The following C19orf38 variants were observed in gnomAD, a reference collection of about 807,000 sequenced individuals.
The protein encoded by C19orf38 is protein HIDE1.
Under a neutral mutation model 26.6 loss-of-function variants are expected in C19orf38, and 14 were observed. The observed-to-expected ratio is 0.53, with a 90% confidence interval of 0.35 to 0.82. The LOEUF (loss-of-function observed/expected upper bound fraction) is 0.82, where lower values mean the gene tolerates loss of function less well. Ranked by LOEUF, C19orf38 falls within the 40% of genes least tolerant of loss-of-function variation. The pLI is 0.01. For missense variants in C19orf38, 261 were observed against 299.5 expected, an observed-to-expected ratio of 0.87 and a Z score of 0.95; for synonymous variants, 132 against 128.5, an observed-to-expected ratio of 1.03 and a Z score of -0.18.
intron 2 of C19orf38, among the ~76,000 whole-genome samples, chr19:10,854,059 C>CTT (rs879350125): frequency 7.1e-6 from 1 of 141,568 alleles, no homozygotes; most frequent in Admixed American, 7.1e-5. Context: ...TCTGTAAAAA[C>CTT]TTTTTTTTTT....
At chr19:10,854,307 G>A (rs1420692573) in intron 2 of C19orf38, among the ~76,000 whole-genome samples, 3 of 151,924 alleles carry the variant, frequency 2.0e-5, no homozygotes, top group Admixed American at 6.6e-5. Flanking sequence ...CAAGTGATCC[G>A]CCCACATCGG....
chr19:10,865,585 T>C (rs971661349), intron 6 of C19orf38, among the ~76,000 whole-genome samples: 11 of 152,078 alleles, frequency 7.2e-5, no homozygotes, highest in African/African-American at 2.7e-4. Context: ...TGAGCTATGA[T>C]TGCATCACTG....
chr19:10,858,445 G>C, intron 4 of C19orf38, 102 bp downstream of exon 4: 2 of 1,154,808 alleles, frequency 1.7e-6, no homozygotes, highest in Non-Finnish European at 2.5e-6. Context: ...GCGCCTCCTG[G>C]TGGGCATGCT....
At chr19:10,855,253 G>C (rs182508423) in intron 2 of C19orf38, among the ~76,000 whole-genome samples, 1 of 151,916 alleles carries the variant, frequency 6.6e-6, no homozygotes, top group Non-Finnish European at 1.5e-5. Context: ...GGTTGATCTC[G>C]AACTCCTGAC....
chr19:10,848,594 C>T, intron 1 of C19orf38, 55 bp downstream of exon 1: 1 of 1,319,508 alleles, frequency 7.6e-7, no homozygotes, highest in African/African-American at 1.5e-5. Context: ...CATCCTCTGT[C>T]CACCTTGCCG....
chr19:10,861,555 A>C (rs2073699042), intron 5 of C19orf38, among the ~76,000 whole-genome samples: 1 of 152,048 alleles, frequency 6.6e-6, no homozygotes, highest in South Asian at 2.1e-4. Flanking sequence ...GGGACAAGGC[A>C]GGTGGTCCCC....
chr19:10,855,472 G>A (rs1027520593), intron 2 of C19orf38, among the ~76,000 whole-genome samples: 3 of 152,054 alleles, frequency 2.0e-5, no homozygotes, highest in African/African-American at 7.2e-5. Flanking sequence ...GAAGTAGCTG[G>A]AATTACAGGT....
At chr19:10,848,284 G>A (rs2073534418), upstream of C19orf38, 1 of 530,884 alleles carries the variant, frequency 1.9e-6, no homozygotes. Flanking sequence ...ACCGCAACCA[G>A]AGAGGTGCGC....
chr19:10,855,919 C>T (rs2073620464), intron 2 of C19orf38, among the ~76,000 whole-genome samples: 1 of 152,154 alleles, frequency 6.6e-6, no homozygotes, highest in African/African-American at 2.4e-5. Flanking sequence ...CTGCCTCAGC[C>T]TCCCAAAGTG....
At chr19:10,840,085 G>GT (rs2073467981) in intron 1 of C19orf38, among the ~76,000 whole-genome samples, 1 of 152,142 alleles carries the variant, frequency 6.6e-6, no homozygotes, top group African/African-American at 2.4e-5. Flanking sequence ...TTTAGCTATT[G>GT]TGAGTACAGC....
At position 10,869,750 on chromosome 19, in the gene C19orf38, GGCTT is replaced by G. The variant is rs2146284929; in HGVS notation, c.*388_*391del. 5.0e-6 allele frequency: 1 copy of G among 201,034 alleles called. No homozygotes were observed. Among genetic ancestry groups the G allele is most frequent in the African/African-American group, 2.3e-5 (1 of 42,790 alleles). The allele number at this position is 201,034 out of a possible 1,614,324, so 12.5% of individuals were successfully genotyped here. A position where few individuals can be genotyped will look rare whatever the true frequency, so the allele number is the denominator to read the frequency against. The stretch of plus-strand genomic sequence containing the variant: ...TGGGTGTGTTGTGTGTCTGCCTGCT[GGCTT>G]GCTTAAGTTATTAATTATAACACGG... On this transcript the variant is annotated 3_prime_UTR_variant, in exon 7 of 7. Transcript: ENST00000397820.
intron 6 of C19orf38, among the ~76,000 whole-genome samples, chr19:10,865,972 C>G (rs981671584): frequency 2.0e-5 from 3 of 151,556 alleles, no homozygotes; most frequent in African/African-American, 7.3e-5. Context: ...ACCACCATGC[C>G]CAGCTAGTTT....
At chr19:10,863,688 G>A (rs896542527) in intron 6 of C19orf38, among the ~76,000 whole-genome samples, 9 of 123,350 alleles carry the variant, frequency 7.3e-5, no homozygotes, top group African/African-American at 1.2e-4. Flanking sequence ...TTGGAAGGCC[G>A]AGGCGGGTGT....
chr19:10,855,157 C>T (rs572089531), intron 2 of C19orf38, among the ~76,000 whole-genome samples: 4 of 151,066 alleles, frequency 2.6e-5, no homozygotes, highest in African/African-American at 7.3e-5. Context: ...CCTGCCTCAG[C>T]GTCCCAAGTA....
intron 6 of C19orf38, among the ~76,000 whole-genome samples, chr19:10,865,613 C>T (rs539066862): frequency 2.0e-5 from 3 of 152,212 alleles, no homozygotes; most frequent in African/African-American, 7.2e-5. Flanking sequence ...GCCTGGGTGA[C>T]AGAGCAAGAC....
chr19:10,850,219 T>C, intron 1 of C19orf38, 40 bp from the exon 2 acceptor site: 1 of 1,501,924 alleles, frequency 6.7e-7, no homozygotes, highest in Non-Finnish European at 8.9e-7. Flanking sequence ...CAGCCTCCAC[T>C]CTCACCACGC....
At chr19:10,848,081 C>T (rs545945618), upstream of C19orf38, among the ~76,000 whole-genome samples, 1 of 152,142 alleles carries the variant, frequency 6.6e-6, no homozygotes, top group Non-Finnish European at 1.5e-5. Context: ...GTCCCAGCTA[C>T]TCAGGAGGCT....
At chr19:10,862,691 G>A (rs973467455) in intron 5 of C19orf38, among the ~76,000 whole-genome samples, 1 of 152,098 alleles carries the variant, frequency 6.6e-6, no homozygotes, top group Non-Finnish European at 1.5e-5. Flanking sequence ...TTAGCTAGGT[G>A]TAGTGGTGCA....
intron 5 of C19orf38, chr19:10,860,198 C>A (rs998749514): frequency 4.0e-6 from 2 of 495,610 alleles, no homozygotes; most frequent in Non-Finnish European, 7.4e-6. Context: ...CTGCTACTTA[C>A]AGGACCCCAG....
Sources: allele counts gnomAD v4.1 joint callset (sites outside exome capture counted in the v4.1 genomes callset), GRCh38; gene constraint gnomAD v4.1.1; transcripts MANE v1.5; gene names NCBI Gene and HGNC (gene_info 2026-07-23, HGNC 2026-07-21).